RPS6KB2: variants seen among roughly 807,000 people sequenced by gnomAD.
The protein encoded by RPS6KB2 is ribosomal protein S6 kinase B2.
RPS6KB2 carries 51 observed loss-of-function variants against 58.2 expected under a neutral mutation model. The ratio of observed to expected loss-of-function variants is 0.88; its 90% CI spans 0.70 to 1.11. The LOEUF (loss-of-function observed/expected upper bound fraction) is 1.11. RPS6KB2 is among the 50% of genes least tolerant of loss of function. The pLI is 0.00. For missense variants in RPS6KB2, 671 were observed against 655.8 expected, an observed-to-expected ratio of 1.02 and a Z score of -0.25; for synonymous variants, 293 against 258.6, an observed-to-expected ratio of 1.13 and a Z score of -1.28.
rs1380321272 is a variant in RPS6KB2, at chr11:67,432,650, AC to A, written c.509del (p.Thr170ArgfsTer41). On this transcript the variant is annotated frameshift_variant, in exon 6 of 15. Coordinates refer to ENST00000312629, the MANE Select transcript of RPS6KB2 (RefSeq NM_003952.3). LOFTEE classifies it high-confidence loss of function. ...LEREGIFLED[T>X]ACFYLAEITL... ...GCGAGAGGGCATCTTCCTGGAAGATACGGCCTGGTGGGTGTTAATCCTCCGC... is the reference window on the plus strand; with the variant it reads ...GCGAGAGGGCATCTTCCTGGAAGATAGGCCTGGTGGGTGTTAATCCTCCGC... 6.2e-6 allele frequency: 10 copies of A among 1,614,130 alleles called. No individual in the cohort carries two copies. The highest frequency in any genetic ancestry group is 1.7e-5 in the Admixed American group (1 of 60,024).
rs1034596803 is a variant in RPS6KB2 at position 67,433,158 on chromosome 11, A to T, written c.740A>T (p.Asn247Ile). 1 of 1,605,012 alleles carries T rather than the reference A, an allele frequency of 6.2e-7. No homozygotes were observed. The highest frequency in any genetic ancestry group is 8.5e-7 in the Non-Finnish European group (1 of 1,177,086). ...GAGATTCTGGTGCGCAGTGGCCACA[A>T]CCGGGCTGTGGACTGGTGGAGCCTG... Reference protein sequence around the residue: ...APEILVRSGHNRAVDWWSLGA... With the variant: ...APEILVRSGHIRAVDWWSLGA... The change falls in exon 9 of 15, where the codon AAC (asparagine) becomes ATC (isoleucine). Residue 247 changes from asparagine (N) to isoleucine (I), a missense_variant. Transcript: ENST00000312629.
At chr11:67,431,336 C>T in intron 4 of RPS6KB2, 32 bp from the exon 5 acceptor site, 1 of 1,608,228 alleles carries the variant, frequency 6.2e-7, no homozygotes, top group Non-Finnish European at 8.5e-7. Context: ...AGCCTGGATG[C>T]CTCAGTTTCT....
chr11:67,431,398 GCA>G lies in RPS6KB2; in HGVS notation c.348_349del (p.Arg117GlyfsTer2), dbSNP rs746624387. 1.2e-6 allele frequency: 2 copies of G among 1,614,108 alleles called. No homozygotes were observed. Among genetic ancestry groups the G allele is most frequent in the Middle Eastern group, 1.6e-4 (1 of 6,062 alleles). On this transcript the variant is annotated frameshift_variant, in exon 5 of 15. Transcript: ENST00000312629. LOFTEE classifies it high-confidence loss of function. The stretch of plus-strand genomic sequence containing the variant: ...AATTGTGCGCAATGCCAAGGACACA[GCA>G]CACACACGGGCTGAGCGGAACATTC... ...AKIVRNAKDTAHTRAERNILE... is the reference protein window; with the variant it reads ...AKIVRNAKDTXHTRAERNILE...
At position 67,429,386 on chromosome 11, in the gene RPS6KB2, C is replaced by T. The variant is rs1207142232; in HGVS notation, c.241-141C>T. ...CATAAAGGAGGGAAGGCCAAATCCT[C>T]TCCAATCGGACTTGAAATCTTCACT... On this transcript the variant is annotated intron_variant, in intron 3 of 14. Transcript: ENST00000312629. 3.6e-6 allele frequency: 5 copies of T among 1,369,962 alleles called. No homozygotes were observed. The African/African-American group carries it at 4.3e-5, about 12-fold the overall frequency. 84.9% of individuals were successfully genotyped at this position (1,369,962 alleles called of 1,614,324 possible). A position where few individuals can be genotyped will look rare whatever the true frequency, so the allele number is the denominator to read the frequency against.
chr11:67,431,383 A>G lies in RPS6KB2; in HGVS notation c.325A>G (p.Asn109Asp), dbSNP rs1219667965. Residue 109 changes from asparagine to aspartate, a missense_variant, in exon 5 of 15, where the codon AAT becomes GAT. Coordinates refer to ENST00000312629, the MANE Select transcript of RPS6KB2 (RefSeq NM_003952.3). ...GTATCTCCAGGCCAAAATTGTGCGCAATGCCAAGGACACAGCACACACACG... is the reference window on the plus strand; with the variant it reads ...GTATCTCCAGGCCAAAATTGTGCGCGATGCCAAGGACACAGCACACACACG... ...KVLRKAKIVR[N>D]AKDTAHTRAE... 1.2e-6 allele frequency: 2 copies of G among 1,613,976 alleles called. No individual in the cohort carries two copies. The highest frequency in any genetic ancestry group is 2.2e-5 in the East Asian group (1 of 44,874).
Position 67,433,161 on chromosome 11 carries a change from G to T in RPS6KB2, c.743G>T (p.Arg248Leu). The change falls in exon 9 of 15, where the codon CGG (arginine) becomes CTG (leucine). Residue 248 changes from arginine (R) to leucine (L), a missense_variant. By Grantham distance (102) the Arg-to-Leu change is moderately radical (BLOSUM62 -2). Transcript: ENST00000312629. ...ATTCTGGTGCGCAGTGGCCACAACC[G>T]GGCTGTGGACTGGTGGAGCCTGGGG... Reference protein sequence around the residue: ...PEILVRSGHNRAVDWWSLGAL... With the variant: ...PEILVRSGHNLAVDWWSLGAL... 1 of 1,605,114 alleles carries T rather than the reference G, an allele frequency of 6.2e-7. No homozygotes were observed. Among genetic ancestry groups the T allele is most frequent in the Non-Finnish European group, 8.5e-7 (1 of 1,177,214 alleles).
chr11:67,431,212 T>C, intron 4 of RPS6KB2, 156 bp from the exon 5 acceptor site: 1 of 605,632 alleles, frequency 1.7e-6, no homozygotes, highest in African/African-American at 1.9e-5. Flanking sequence ...CTATTTTTAG[T>C]AGAGATGGGG....
At chr11:67,433,316 C>T (rs747710807) in intron 9 of RPS6KB2, 24 bp from the exon 10 acceptor site, 4 of 1,608,966 alleles carry the variant, frequency 2.5e-6, no homozygotes, top group Admixed American at 3.3e-5. Context: ...CCACAAGGCT[C>T]CTCTCACCTT....
Position 67,433,980 on chromosome 11 carries a change from C to T in RPS6KB2, c.907-15C>T. 4 of 1,614,118 alleles carry T rather than the reference C, an allele frequency of 2.5e-6. No individual in the cohort carries two copies. The highest frequency in any genetic ancestry group is 3.4e-6 in the Non-Finnish European group (4 of 1,180,028). ...GTACTTGCCCAGGCCCTCACCCTCT[C>T]TCCTGGTCCCGCAGTTTCTGAAACG... On this transcript the variant is annotated splice_polypyrimidine_tract_variant and intron_variant, in intron 10 of 14. Transcript: ENST00000312629.
rs1280306964 is a variant in RPS6KB2 at position 67,432,743 on chromosome 11, C to G, written c.522C>G (p.Tyr174Ter). 1.2e-6 allele frequency: 2 copies of G among 1,614,074 alleles called. No individual in the cohort carries two copies. Among genetic ancestry groups the G allele is most frequent in the Non-Finnish European group, 1.7e-6 (2 of 1,180,022 alleles). Residue 174 changes from tyrosine (Y) to a stop codon, truncating the protein, a stop_gained, in exon 7 of 15, where the codon TAC (tyrosine) becomes TAG (stop). Coordinates refer to ENST00000312629, the MANE Select transcript of RPS6KB2 (RefSeq NM_003952.3). LOFTEE classifies it high-confidence loss of function. ...GIFLEDTACF[Y>*]LAEITLALGH... ...CCCTGTCTTGTTTCTGCAGCTTCTA[C>G]CTGGCTGAGATCACGCTGGCCCTGG...
intron 10 of RPS6KB2, 123 bp downstream of exon 10, chr11:67,433,570 A>G: frequency 4.1e-6 from 3 of 734,330 alleles, no homozygotes; most frequent in Non-Finnish European, 2.3e-6. Context: ...TGGGAATGAA[A>G]GGAGCCCCTC....
intron 4 of RPS6KB2, chr11:67,429,955 A>T (rs1863969944): frequency 5.2e-6 from 1 of 191,418 alleles, no homozygotes; most frequent in Non-Finnish European, 1.1e-5. Flanking sequence ...CTGGGATTAC[A>T]GGCGCTTGCC....
intron 2 of RPS6KB2, 47 bp from the exon 3 acceptor site, chr11:67,429,073 C>A: frequency 1.9e-6 from 3 of 1,613,050 alleles, no homozygotes; most frequent in Non-Finnish European, 2.5e-6. Flanking sequence ...GGAAGGGGAA[C>A]TGGGGAGCAC....
At chr11:67,428,953 C>T (rs2060005495) in intron 1 of RPS6KB2, 29 bp from the exon 2 acceptor site, 2 of 1,614,032 alleles carry the variant, frequency 1.2e-6, no homozygotes, top group Admixed American at 1.7e-5. Context: ...TGGCACCTTC[C>T]TTGGCTCTTA....
chr11:67,432,662 G>A lies in RPS6KB2; in HGVS notation c.515+5G>A. ...CTTCCTGGAAGATACGGCCTGGTGG[G>A]TGTTAATCCTCCGCTTTCCTGAGGC... On this transcript the variant is annotated splice_donor_5th_base_variant and intron_variant, in intron 6 of 14. Coordinates refer to ENST00000312629, the MANE Select transcript of RPS6KB2 (RefSeq NM_003952.3). The A allele has an allele frequency of 1.2e-6, 2 of 1,614,148 alleles. No individual in the cohort carries two copies. Among genetic ancestry groups the A allele is most frequent in the Non-Finnish European group, 1.7e-6 (2 of 1,179,990 alleles).
In RPS6KB2 at chr11:67,433,429, C is replaced by T; in HGVS notation, c.888C>T (p.Ala296=). Residue 296 remains alanine, a synonymous_variant, in exon 10 of 15, where the codon GCC becomes GCT. Coordinates refer to ENST00000312629, the MANE Select transcript of RPS6KB2 (RefSeq NM_003952.3). ...TGCCCCCCTACCTCACCCCAGATGC[C>T]CGGGACCTTGTCAAAAAGGTGCAGC... ...LALPPYLTPD[A]RDLVKKFLKR... 6.2e-7 allele frequency: 1 copy of T among 1,613,088 alleles called. No homozygotes were observed. Among genetic ancestry groups the T allele is most frequent in the Non-Finnish European group, 8.5e-7 (1 of 1,179,218 alleles).
chr11:67,433,095 G>A (rs374471150), intron 8 of RPS6KB2, 31 bp from the exon 9 acceptor site: 33 of 1,609,856 alleles, frequency 2.0e-5, no homozygotes, highest in Admixed American at 1.0e-4. Flanking sequence ...GAAGGGGCAC[G>A]GCCTGACTGA....
In RPS6KB2 at chr11:67,431,403, C is replaced by T. The variant is rs760038921; in HGVS notation, c.345C>T (p.His115=). ...TGCGCAATGCCAAGGACACAGCACA[C>T]ACACGGGCTGAGCGGAACATTCTAG... ...KIVRNAKDTA[H]TRAERNILES... The change falls in exon 5 of 15, where the codon CAC becomes CAT. Residue 115 remains histidine, a synonymous_variant. Coordinates refer to ENST00000312629, the MANE Select transcript of RPS6KB2 (RefSeq NM_003952.3). 1 of 1,614,168 alleles carries T rather than the reference C, an allele frequency of 6.2e-7. No homozygotes were observed. The highest frequency in any genetic ancestry group is 8.5e-7 in the Non-Finnish European group (1 of 1,180,030).
rs1013160848 is a variant in RPS6KB2 at position 67,432,753 on chromosome 11, A to G, written c.532A>G (p.Ile178Val). 1.2e-6 allele frequency: 2 copies of G among 1,613,978 alleles called. No individual in the cohort carries two copies. Among genetic ancestry groups the G allele is most frequent in the African/African-American group, 1.3e-5 (1 of 74,914 alleles). ...EDTACFYLAE[I>V]TLALGHLHSQ... The stretch of plus-strand genomic sequence containing the variant: ...TTTCTGCAGCTTCTACCTGGCTGAG[A>G]TCACGCTGGCCCTGGGCCATCTCCA... Residue 178 changes from isoleucine (I) to valine (V), a missense_variant, in exon 7 of 15, where the codon ATC becomes GTC. Physicochemically the swap from Ile to Val is conservative, Grantham distance 29. Transcript: ENST00000312629.
Sources: allele counts gnomAD v4.1 joint callset, GRCh38; gene constraint gnomAD v4.1.1; transcripts MANE v1.5; gene names NCBI Gene and HGNC (gene_info 2026-07-23, HGNC 2026-07-21).